Variants in LANCL3 observed in about 807,000 individuals in gnomAD.
The protein encoded by LANCL3 is lanC-like protein 3.
In LANCL3, 19 loss-of-function variants were observed where a neutral mutation model predicts 26.5. The ratio of observed to expected loss-of-function variants is 0.72; its 90% CI spans 0.50 to 1.05. The LOEUF (loss-of-function observed/expected upper bound fraction) is 1.05. Among genes scored for constraint, LANCL3 ranks in the 50% least tolerant of loss-of-function variants. The pLI is 0.00. For missense variants in LANCL3, 318 were observed against 362.7 expected (o/e 0.88, Z 1.00); for synonymous variants, 160 against 166.6 (o/e 0.96, Z 0.30).
In LANCL3 at chrX:37,572,143, C is replaced by G; in HGVS notation, c.273C>G (p.Arg91=). The change falls in exon 1 of 5, where the codon CGC becomes CGG. Residue 91 remains arginine (R), a synonymous_variant. Coordinates refer to ENST00000378619, the MANE Select transcript of LANCL3 (RefSeq NM_001170331.2). The stretch of plus-strand genomic sequence containing the variant: ...CGCTTTTCGCCACGGCCCGGGAACG[C>G]TACCTGCGCTCGGCTAAGCGCCTCA... ...QSPLFATARE[R]YLRSAKRLID... 8.4e-7 allele frequency: 1 copy of G among 1,194,960 alleles called. No individual in the cohort carries two copies. Among genetic ancestry groups the G allele is most frequent in the Non-Finnish European group, 1.1e-6 (1 of 892,470 alleles).
At chrX:37,660,822 G>A (rs998075408) in intron 3 of LANCL3, among the ~76,000 whole-genome samples, 4 of 111,081 alleles carry the variant, frequency 3.6e-5, no homozygotes, top group Admixed American at 1.9e-4. Context: ...GTATAGTCTT[G>A]AGTTGATGAA....
chrX:37,666,630 C>T (rs1337645021), intron 3 of LANCL3, among the ~76,000 whole-genome samples: 6 of 111,815 alleles, frequency 5.4e-5, no homozygotes, highest in African/African-American at 1.9e-4. Context: ...GCTGTTGCTT[C>T]TCTTGTTTCT....
chrX:37,661,194 A>G (rs1556432510), intron 3 of LANCL3, among the ~76,000 whole-genome samples: 1 of 111,931 alleles, frequency 8.9e-6, no homozygotes, highest in Non-Finnish European at 1.9e-5. Context: ...AAAAGGATTC[A>G]ATGTGCTAGT....
At chrX:37,627,146 A>G (rs1362182221) in intron 1 of LANCL3, among the ~76,000 whole-genome samples, 1 of 112,292 alleles carries the variant, frequency 8.9e-6, no homozygotes, top group Admixed American at 9.4e-5. Flanking sequence ...CAAGGCTGTC[A>G]AAATGAGATT....
intron 1 of LANCL3, among the ~76,000 whole-genome samples, chrX:37,636,382 T>C (rs1456228704): frequency 1.8e-4 from 20 of 112,293 alleles, no homozygotes; most frequent in African/African-American, 6.2e-4. Context: ...CTCTGAGAAG[T>C]CACCAAACTG....
intron 1 of LANCL3, among the ~76,000 whole-genome samples, chrX:37,637,454 T>A (rs1246452187): frequency 2.7e-5 from 3 of 111,839 alleles, no homozygotes; most frequent in African/African-American, 9.8e-5. Flanking sequence ...TGCTAGGGTA[T>A]TCTGGGAAAC....
In LANCL3 at chrX:37,681,781, C is replaced by T. The variant is rs905675129; in HGVS notation, c.*5968C>T. The T allele has an allele frequency of 1.8e-5, 2 of 110,753 alleles. No homozygotes were observed. Among genetic ancestry groups the T allele is most frequent in the Non-Finnish European group, 3.8e-5 (2 of 52,900 alleles). The allele number at this position is 110,753 out of a possible 1,213,427, so 9.1% of individuals were successfully genotyped here. On this transcript the variant is annotated 3_prime_UTR_variant, in exon 5 of 5. Transcript: ENST00000378619. Reference sequence around the variant, plus strand: ...AACTTTGTGTTTTCCTCTCTTTCTCCACTCCTTTTGGGGCCCATTTCTATT... The same window carrying T: ...AACTTTGTGTTTTCCTCTCTTTCTCTACTCCTTTTGGGGCCCATTTCTATT...
intron 1 of LANCL3, among the ~76,000 whole-genome samples, chrX:37,634,383 C>T (rs1376814196): frequency 8.8e-6 from 1 of 113,208 alleles, no homozygotes; most frequent in African/African-American, 3.2e-5. Context: ...TCCCTGACCC[C>T]TTGCGCTTCC....
intron 1 of LANCL3, among the ~76,000 whole-genome samples, chrX:37,606,532 G>C (rs913847181): frequency 8.9e-6 from 1 of 112,007 alleles, no homozygotes; most frequent in Non-Finnish European, 1.9e-5. Flanking sequence ...GAAATCTTTT[G>C]TTTTGTTCCA....
At chrX:37,600,892 A>G (rs1287002293) in intron 1 of LANCL3, among the ~76,000 whole-genome samples, 1 of 111,964 alleles carries the variant, frequency 8.9e-6, no homozygotes, top group Admixed American at 9.5e-5. Flanking sequence ...GGACAGTGGT[A>G]TAACCCTTTA....
intron 4 of LANCL3, among the ~76,000 whole-genome samples, chrX:37,673,792 A>G (rs996577162): frequency 1.8e-5 from 2 of 111,622 alleles, no homozygotes; most frequent in South Asian, 7.4e-4. Flanking sequence ...CTTTAATAAC[A>G]TGTAATAATG....
chrX:37,590,604 ACTACT>A (rs1379597072), intron 1 of LANCL3, among the ~76,000 whole-genome samples: 3 of 112,077 alleles, frequency 2.7e-5, no homozygotes, highest in Non-Finnish European at 5.6e-5. Flanking sequence ...TAACAACTAC[ACTACT>A]CTAATAATAA....
At chrX:37,644,060 C>G (rs1054759742) in intron 1 of LANCL3, among the ~76,000 whole-genome samples, 11 of 111,771 alleles carry the variant, frequency 9.8e-5, no homozygotes, top group African/African-American at 2.9e-4. Flanking sequence ...TATCTTACCC[C>G]CAAGTCCCTG....
intron 1 of LANCL3, among the ~76,000 whole-genome samples, chrX:37,619,760 G>T (rs1556422100): frequency 8.9e-6 from 1 of 111,912 alleles, no homozygotes; most frequent in Non-Finnish European, 1.9e-5. Context: ...GTTGTCAAAT[G>T]TTAAGACTGT....
At chrX:37,633,777 C>T (rs868975456) in intron 1 of LANCL3, among the ~76,000 whole-genome samples, 9 of 111,518 alleles carry the variant, frequency 8.1e-5, no homozygotes, top group African/African-American at 2.6e-4. Context: ...GCTGTCTGAT[C>T]GTTCCTCTGG....
At position 37,677,136 on chromosome X, in the gene LANCL3, T is replaced by TTGTGTG. The variant is rs1164318788; in HGVS notation, c.*1324_*1325insGTGTGT. On this transcript the variant is annotated 3_prime_UTR_variant, in exon 5 of 5. Coordinates refer to ENST00000378619, the MANE Select transcript of LANCL3 (RefSeq NM_001170331.2). ...AATAGTCATTAAATATTTGGATATA[T>TTGTGTG]TATGTGTGTGTGTGTGTGTGTGTGT... 1.4e-5 allele frequency: 1 copy of TTGTGTG among 73,754 alleles called. No homozygotes were observed. The highest frequency in any genetic ancestry group is 1.1e-4 in the African/African-American group (1 of 8,835). 6.1% of individuals were successfully genotyped at this position (73,754 alleles called of 1,213,427 possible).
intron 1 of LANCL3, among the ~76,000 whole-genome samples, chrX:37,606,709 C>G (rs1420277649): frequency 9.0e-6 from 1 of 111,678 alleles, no homozygotes; most frequent in Admixed American, 9.5e-5. Flanking sequence ...AACCAGCAGT[C>G]CCACGTACGT....
rs1291898011 is a variant in LANCL3 at position 37,681,275 on chromosome X, T to C, written c.*5462T>C. ...TCAATATGCAATCAATATAAAAACA[T>C]GAATGAGCTATTTTACATTTTTGTA... On this transcript the variant is annotated 3_prime_UTR_variant, in exon 5 of 5. Coordinates refer to ENST00000378619, the MANE Select transcript of LANCL3 (RefSeq NM_001170331.2). The C allele has an allele frequency of 8.9e-6, 1 of 112,742 alleles. No homozygotes were observed. The highest frequency in any genetic ancestry group is 3.2e-5 in the African/African-American group (1 of 31,080). The allele number at this position is 112,742 out of a possible 1,213,427, so 9.3% of individuals were successfully genotyped here.
intron 1 of LANCL3, among the ~76,000 whole-genome samples, chrX:37,637,680 C>A (rs1308146879): frequency 8.9e-6 from 1 of 112,047 alleles, no homozygotes; most frequent in Non-Finnish European, 1.9e-5. Context: ...CTTTTTGTTA[C>A]ATGAGAAAAA....
Sources: gnomAD v4.1 joint callset for allele counts (sites outside exome capture counted in the v4.1 genomes callset) on GRCh38, gnomAD v4.1.1 for gene constraint, MANE v1.5 for transcripts, NCBI Gene and HGNC (gene_info 2026-07-23, HGNC 2026-07-21) for gene names.